NR3C2: variants seen among roughly 807,000 people sequenced by gnomAD.
NR3C2 encodes mineralocorticoid receptor.
Under a neutral mutation model 86.4 loss-of-function variants are expected in NR3C2, and 15 were observed. The observed-to-expected ratio is 0.17, with a 90% CI of 0.12 to 0.27. The LOEUF is 0.27. NR3C2 is among the 10% of genes least tolerant of loss of function. The probability of loss-of-function intolerance (pLI) is 1.00; values close to 1 mark genes in which losing one functional copy is unlikely to be tolerated. For synonymous variants in NR3C2, 458 were observed against 450.5 expected (o/e 1.02, Z -0.21); for missense variants, 960 against 1,195.6 (o/e 0.80, Z 2.91).
chr4:148,167,936 C>G (rs1734952081), intron 4 of NR3C2, among the ~76,000 whole-genome samples: 1 of 152,204 alleles, frequency 6.6e-6, no homozygotes, highest in African/African-American at 2.4e-5. Flanking sequence ...AGTACAGGAG[C>G]AGAGGACCTG....
chr4:148,418,024 T>C (rs1285168113), intron 2 of NR3C2, among the ~76,000 whole-genome samples: 2 of 152,172 alleles, frequency 1.3e-5, no homozygotes, highest in Non-Finnish European at 2.9e-5. Flanking sequence ...TTGAGTTGTA[T>C]GCCAAGTAAT....
intron 6 of NR3C2, among the ~76,000 whole-genome samples, chr4:148,134,162 G>A (rs1313046606): frequency 1.3e-5 from 2 of 152,138 alleles, no homozygotes; most frequent in Admixed American, 6.5e-5. Context: ...GATTAGCCAC[G>A]TGTCGTTTCT....
intron 2 of NR3C2, among the ~76,000 whole-genome samples, chr4:148,413,044 T>C (rs1256803428): frequency 1.3e-5 from 2 of 152,228 alleles, no homozygotes; most frequent in Non-Finnish European, 2.9e-5. Flanking sequence ...GCGTCCCCTA[T>C]GTTATCTTTC....
chr4:148,221,114 C>G (rs76553664), intron 3 of NR3C2, among the ~76,000 whole-genome samples: 12 of 152,302 alleles, frequency 7.9e-5, no homozygotes, highest in Admixed American at 7.2e-4. Context: ...TCAAACAGAC[C>G]GCCTCTGCGA....
intron 6 of NR3C2, among the ~76,000 whole-genome samples, chr4:148,137,066 T>C (rs1034436599): frequency 2.0e-5 from 3 of 152,144 alleles, no homozygotes; most frequent in Non-Finnish European, 4.4e-5. Context: ...TTAGGGGAAG[T>C]GATTAGGATA....
rs1476207352 is a variant in NR3C2, at chr4:148,147,083, C to T, written c.2510+5386G>A. ...AAATTGAATAATTAATCATTTAATA[C>T]ATATTTGAAAAGTTTTGAGTTTATA... On this transcript the variant is annotated intron_variant, in intron 6 of 8. Coordinates refer to ENST00000358102, the MANE Select transcript of NR3C2 (RefSeq NM_000901.5). 3.3e-5 allele frequency among the ~76,000 whole-genome samples: 5 copies of T among 152,250 alleles called. No individual in the cohort carries two copies. In the East Asian group the frequency reaches 7.7e-4, roughly 23 times the overall value.
chr4:148,098,387 C>T (rs1731386273), intron 8 of NR3C2, among the ~76,000 whole-genome samples: 1 of 152,172 alleles, frequency 6.6e-6, no homozygotes, highest in South Asian at 2.1e-4. Context: ...TCATAGTTTT[C>T]TTGCACTTAG....
intron 3 of NR3C2, among the ~76,000 whole-genome samples, chr4:148,238,382 T>C (rs2149844637): frequency 6.6e-6 from 1 of 152,254 alleles, no homozygotes; most frequent in East Asian, 1.9e-4. Context: ...CAAAAAAAAG[T>C]CATTTTGCCA....
At chr4:148,445,261 C>A (rs2126680595), upstream of NR3C2, among the ~76,000 whole-genome samples, 1 of 151,910 alleles carries the variant, frequency 6.6e-6, no homozygotes, top group Non-Finnish European at 1.5e-5. Flanking sequence ...GGGGACCTCG[C>A]GCGGGGGGCG....
intron 2 of NR3C2, among the ~76,000 whole-genome samples, chr4:148,282,967 A>G (rs114249364): frequency 5.3e-5 from 8 of 152,188 alleles, no homozygotes; most frequent in African/African-American, 1.7e-4. Context: ...ACAAAACACA[A>G]TGAAATCAGA....
At chr4:148,201,014 C>G (rs907245933) in intron 3 of NR3C2, 1 of 152,166 alleles carries the variant, frequency 6.6e-6, no homozygotes, top group African/African-American at 2.4e-5. Flanking sequence ...TAAGGGGTAT[C>G]CCTGGTGTTT....
intron 4 of NR3C2, among the ~76,000 whole-genome samples, chr4:148,188,912 T>G (rs1377775031): frequency 6.6e-6 from 1 of 151,074 alleles, no homozygotes; most frequent in Non-Finnish European, 1.5e-5. Flanking sequence ...ATACCTTGTA[T>G]GCCGATTTTG....
intron 3 of NR3C2, among the ~76,000 whole-genome samples, chr4:148,242,578 CATAATTAGCTGTCATATAATTCCCTGCT>C: frequency 6.6e-6 from 1 of 152,298 alleles, no homozygotes; most frequent in Admixed American, 6.5e-5. Context: ...AACATCACAA[CATAATTAGCTGTCATATAATTCCCTGCT>C]ATGCTTAAAG....
At chr4:148,099,302 C>A (rs142289325) in intron 8 of NR3C2, among the ~76,000 whole-genome samples, 18 of 152,268 alleles carry the variant, frequency 1.2e-4, no homozygotes, top group African/African-American at 4.3e-4. Flanking sequence ...TGACACTTGG[C>A]CCTGGAGATG....
At chr4:148,371,093 C>T (rs1392096614) in intron 2 of NR3C2, among the ~76,000 whole-genome samples, 3 of 152,076 alleles carry the variant, frequency 2.0e-5, no homozygotes, top group East Asian at 1.9e-4. Flanking sequence ...ATGGGTTATA[C>T]GAGTTACTTT....
rs548550616 is a variant in NR3C2 at position 148,335,403 on chromosome 4, A to G, written c.1758-75286T>C. The stretch of plus-strand genomic sequence containing the variant: ...GTTTAACTAAATAGGAATTTCTCGT[A>G]ATGAGAAAATTTCTAGACATGCGCA... On this transcript the variant is annotated intron_variant, in intron 2 of 8. Transcript: ENST00000358102. Among the ~76,000 whole-genome samples, 12 of 152,322 alleles carry G rather than the reference A, an allele frequency of 7.9e-5. 1 individual carries two copies. The highest frequency in any genetic ancestry group is 6.8e-3 in the Middle Eastern group (2 of 294).
intron 8 of NR3C2, among the ~76,000 whole-genome samples, chr4:148,102,660 C>A (rs1292885276): frequency 6.6e-6 from 1 of 152,158 alleles, no homozygotes; most frequent in African/African-American, 2.4e-5. Flanking sequence ...AACCACAGCA[C>A]CAGCATCCCA....
intron 2 of NR3C2, among the ~76,000 whole-genome samples, chr4:148,426,785 A>G (rs1468388045): frequency 2.6e-5 from 4 of 151,452 alleles, no homozygotes; most frequent in Non-Finnish European, 4.4e-5. Flanking sequence ...ATCCACAGGG[A>G]CTCCCTCAAT....
chr4:148,126,021 A>G (rs1732729110), intron 6 of NR3C2, among the ~76,000 whole-genome samples: 1 of 152,220 alleles, frequency 6.6e-6, no homozygotes, highest in Non-Finnish European at 1.5e-5. Flanking sequence ...GGAGCACAAC[A>G]CAACACGCAT....
Sources: gnomAD v4.1 joint callset for allele counts (sites outside exome capture counted in the v4.1 genomes callset) on GRCh38, gnomAD v4.1.1 for gene constraint, MANE v1.5 for transcripts, NCBI Gene and HGNC (gene_info 2026-07-23, HGNC 2026-07-21) for gene names.